NDST4: variants seen among roughly 807,000 people sequenced by gnomAD.
NDST4 encodes the protein N-heparan sulfate sulfotransferase 4.
Under a neutral mutation model 100.8 loss-of-function variants are expected in NDST4, and 63 were observed. That is an observed-to-expected ratio of 0.62 (90% CI 0.51 to 0.77). NDST4 has a LOEUF of 0.77. Among genes scored for constraint, NDST4 ranks in the 30% least tolerant of loss-of-function variants. The pLI, the probability that NDST4 is intolerant of heterozygous loss-of-function variation, is 0.00. For missense variants in NDST4, 943 were observed against 1,018.4 expected, an observed-to-expected ratio of 0.93 and a Z score of 1.01; for synonymous variants, 377 against 361.8, an observed-to-expected ratio of 1.04 and a Z score of -0.48.
intron 6 of NDST4, among the ~76,000 whole-genome samples, chr4:114,909,616 C>T (rs1326499022): frequency 2.1e-5 from 3 of 142,608 alleles, no homozygotes; most frequent in Admixed American, 1.4e-4. Context: ...GCCGAGATTG[C>T]GCCACTGCAG....
chr4:115,111,184 C>T (rs1271460762), intron 1 of NDST4, among the ~76,000 whole-genome samples: 1 of 151,946 alleles, frequency 6.6e-6, no homozygotes, highest in East Asian at 1.9e-4. Flanking sequence ...ATTTAACCTA[C>T]TGGGGACAAC....
At chr4:115,100,847 A>G (rs1729716328) in intron 1 of NDST4, among the ~76,000 whole-genome samples, 1 of 150,120 alleles carries the variant, frequency 6.7e-6, no homozygotes, top group African/African-American at 2.5e-5. Context: ...CCTTTCCTTA[A>G]GTTCCTATTG....
At chr4:115,083,382 C>A (rs1729341380) in intron 1 of NDST4, among the ~76,000 whole-genome samples, 1 of 152,124 alleles carries the variant, frequency 6.6e-6, no homozygotes, top group African/African-American at 2.4e-5. Context: ...TTACCTTGAG[C>A]CCAAGAGTTC....
intron 4 of NDST4, chr4:114,956,049 G>C (rs1432946301): frequency 2.0e-5 from 3 of 152,238 alleles, no homozygotes; most frequent in African/African-American, 7.2e-5. Context: ...CCCACTCATA[G>C]AAAAGAAGCT....
intron 2 of NDST4, among the ~76,000 whole-genome samples, chr4:115,045,019 T>C (rs970887561): frequency 1.3e-5 from 2 of 151,934 alleles, no homozygotes; most frequent in African/African-American, 4.8e-5. Flanking sequence ...TGCAAGTTGG[T>C]AGAGTAATTT....
intron 11 of NDST4, among the ~76,000 whole-genome samples, chr4:114,837,943 C>T (rs1723337538): frequency 1.3e-5 from 2 of 152,124 alleles, no homozygotes; most frequent in South Asian, 4.1e-4. Context: ...GGGTTAATAT[C>T]CAGAATCTAC....
chr4:115,079,267 G>T (rs1472516226), intron 1 of NDST4, among the ~76,000 whole-genome samples: 1 of 151,290 alleles, frequency 6.6e-6, no homozygotes, highest in African/African-American at 2.4e-5. Context: ...CAGGATAAAT[G>T]CTTGAACCTG....
chr4:114,884,833 A>G (rs999233294), intron 6 of NDST4, among the ~76,000 whole-genome samples: 2 of 152,144 alleles, frequency 1.3e-5, no homozygotes, highest in African/African-American at 4.8e-5. Context: ...CTATCAAAAT[A>G]CGTAAGATGA....
intron 7 of NDST4, among the ~76,000 whole-genome samples, chr4:114,869,931 G>A (rs1427383623): frequency 6.6e-6 from 1 of 152,120 alleles, no homozygotes; most frequent in Middle Eastern, 3.2e-3. Flanking sequence ...AAACAGTCTT[G>A]ACCAGAGGGA....
intron 2 of NDST4, among the ~76,000 whole-genome samples, chr4:114,985,691 T>A (rs1169064774): frequency 3.3e-5 from 5 of 152,152 alleles, no homozygotes; most frequent in Non-Finnish European, 7.3e-5. Context: ...AACAAATCAA[T>A]CAAATAATTT....
chr4:115,000,225 G>T (rs1045244701), intron 2 of NDST4, among the ~76,000 whole-genome samples: 1 of 151,300 alleles, frequency 6.6e-6, no homozygotes, highest in East Asian at 1.9e-4. Flanking sequence ...CTATTATGCT[G>T]GTTCCAAAGA....
chr4:114,965,496 G>A (rs554632588), intron 4 of NDST4, among the ~76,000 whole-genome samples: 1 of 152,084 alleles, frequency 6.6e-6, no homozygotes, highest in East Asian at 1.9e-4. Flanking sequence ...TCATAAATAT[G>A]TGTAGCTTTT....
At chr4:114,864,859 G>C (rs1336197499) in intron 7 of NDST4, among the ~76,000 whole-genome samples, 1 of 152,152 alleles carries the variant, frequency 6.6e-6, no homozygotes, top group Non-Finnish European at 1.5e-5. Context: ...CCATGGTTCT[G>C]TGTCTGTCTG....
At chr4:115,010,710 G>A (rs898474771) in intron 2 of NDST4, among the ~76,000 whole-genome samples, 2 of 67,052 alleles carry the variant, frequency 3.0e-5, no homozygotes, top group East Asian at 5.7e-4. Context: ...ATACATATAT[G>A]GCTCTTTGTG....
Position 115,076,983 on chromosome 4 carries a change from T to C in NDST4, c.54A>G (p.Leu18=). Residue 18 remains leucine, a synonymous_variant, in exon 2 of 14, where the codon TTA becomes TTG. Coordinates refer to ENST00000264363, the MANE Select transcript of NDST4 (RefSeq NM_022569.3). ...RRSFRTLIVL[L]ATFCLVSIVI... is the part of the protein sequence containing the mutation. ...CAATGCTCACCAAGCAAAAGGTAGC[T>C]AAGAGAACAATCAATGTTCGAAAAC... The C allele has an allele frequency of 6.2e-7, 1 of 1,612,394 alleles. No individual in the cohort carries two copies. Among genetic ancestry groups the C allele is most frequent in the Non-Finnish European group, 8.5e-7 (1 of 1,179,344 alleles).
chr4:114,830,737 T>G (rs2126179292), intron 12 of NDST4, among the ~76,000 whole-genome samples: 1 of 152,252 alleles, frequency 6.6e-6, no homozygotes, highest in Middle Eastern at 3.4e-3. Context: ...ATCGAAAAGG[T>G]TTGCATTTTT....
intron 6 of NDST4, among the ~76,000 whole-genome samples, chr4:114,876,372 C>T (rs917388842): frequency 6.6e-6 from 1 of 152,066 alleles, no homozygotes; most frequent in African/African-American, 2.4e-5. Flanking sequence ...GAAATACATC[C>T]CTGATGGCTC....
chr4:114,862,208 T>C (rs1723932307), intron 7 of NDST4, among the ~76,000 whole-genome samples: 1 of 152,180 alleles, frequency 6.6e-6, no homozygotes, highest in South Asian at 2.1e-4. Flanking sequence ...TGTATAGACA[T>C]TTAGCATCTA....
At chr4:115,016,494 A>G (rs1291443083) in intron 2 of NDST4, among the ~76,000 whole-genome samples, 1 of 152,058 alleles carries the variant, frequency 6.6e-6, no homozygotes, top group Non-Finnish European at 1.5e-5. Context: ...CCAAATGGAG[A>G]AATACTTCCA....
Sources: allele counts gnomAD v4.1 joint callset (sites outside exome capture counted in the v4.1 genomes callset), GRCh38; gene constraint gnomAD v4.1.1; transcripts MANE v1.5; gene names NCBI Gene and HGNC (gene_info 2026-07-23, HGNC 2026-07-21).